Variants in SHF observed in about 807,000 individuals in gnomAD.
SHF encodes the protein Src homology 2 domain containing F.
Under a neutral mutation model 42.4 loss-of-function variants are expected in SHF, and 30 were observed. The observed-to-expected ratio is 0.71, with a 90% CI of 0.53 to 0.96. The LOEUF (loss-of-function observed/expected upper bound fraction) is 0.96, where lower values mean the gene tolerates loss of function less well. SHF is among the 40% of genes least tolerant of loss of function. The probability of loss-of-function intolerance (pLI) is 0.00; values close to 1 mark genes in which losing one functional copy is unlikely to be tolerated. For missense variants in SHF, 598 were observed against 634.0 expected, an observed-to-expected ratio of 0.94 and a Z score of 0.61; for synonymous variants, 264 against 269.9, an observed-to-expected ratio of 0.98 and a Z score of 0.21.
At chr15:45,196,694 G>A (rs893907939) in intron 2 of SHF, among the ~76,000 whole-genome samples, 26 of 152,040 alleles carry the variant, frequency 1.7e-4, no homozygotes, top group Admixed American at 5.9e-4. Flanking sequence ...TCAGGAGATC[G>A]AGACCATCCT....
intron 1 of SHF, among the ~76,000 whole-genome samples, chr15:45,183,223 C>T (rs1448650821): frequency 2.0e-5 from 3 of 152,182 alleles, no homozygotes; most frequent in Admixed American, 2.0e-4. Context: ...GCTGAGAAAC[C>T]GTGCAAGTGT....
At chr15:45,176,147 G>C (rs1354020604) in intron 2 of SHF, among the ~76,000 whole-genome samples, 4 of 152,160 alleles carry the variant, frequency 2.6e-5, no homozygotes, top group Admixed American at 2.6e-4. Context: ...GACAATCACA[G>C]AATTATTCTT....
chr15:45,169,272 C>T (rs759930977), intron 6 of SHF, among the ~76,000 whole-genome samples: 32 of 152,254 alleles, frequency 2.1e-4, no homozygotes, highest in East Asian at 1.9e-4. Context: ...GGCCCACAAG[C>T]GAGAAATCAG....
At chr15:45,179,197 T>C (rs1440329534) in intron 1 of SHF, among the ~76,000 whole-genome samples, 1 of 152,252 alleles carries the variant, frequency 6.6e-6, no homozygotes, top group Non-Finnish European at 1.5e-5. Context: ...CATGTGGGTA[T>C]TACTGTCCCC....
At chr15:45,183,536 G>T (rs565002534) in intron 1 of SHF, among the ~76,000 whole-genome samples, 76 of 152,332 alleles carry the variant, frequency 5.0e-4, no homozygotes, top group African/African-American at 1.8e-3. Context: ...CCGTATGCAG[G>T]GTTTGGGCCC....
At chr15:45,193,430 C>T (rs1047491481) in intron 2 of SHF, among the ~76,000 whole-genome samples, 1 of 152,150 alleles carries the variant, frequency 6.6e-6, no homozygotes, top group Admixed American at 6.5e-5. Context: ...TCTTTTAAGT[C>T]TCTCATTGGC....
At chr15:45,182,737 C>T (rs1898193880) in intron 1 of SHF, among the ~76,000 whole-genome samples, 1 of 152,138 alleles carries the variant, frequency 6.6e-6, no homozygotes, top group Non-Finnish European at 1.5e-5. Context: ...AATATTTAAC[C>T]ATGGAAGCCC....
chr15:45,185,824 G>T (rs540320029), intron 1 of SHF, among the ~76,000 whole-genome samples: 5 of 152,204 alleles, frequency 3.3e-5, no homozygotes. Context: ...CGACCCTCAC[G>T]CCACCCTGAT....
rs1897307551 is a variant in SHF at position 45,168,128 on chromosome 15, C to A, written c.1286G>T (p.Ser429Ile). 3 of 1,588,486 alleles carry A rather than the reference C, an allele frequency of 1.9e-6. No homozygotes were observed. Among genetic ancestry groups the A allele is most frequent in the African/African-American group, 1.3e-5 (1 of 74,574 alleles). Residue 429 changes from serine (S) to isoleucine (I), a missense_variant, in exon 7 of 7, where the codon AGC (serine) becomes ATC (isoleucine). This residue lies in a region of SHF where 439 missense variants were observed against 524.6 expected (regional missense o/e 0.84). Transcript: ENST00000690270. ...CAGCTTCATGTGCATGAATCCCTGG[C>A]TGCTCCTGGGAAGAGGAGAGGAGAC... ...KNDFSLSLKSSQGFMHMKLSR... is the reference protein window; with the variant it reads ...KNDFSLSLKSIQGFMHMKLSR...
chr15:45,185,573 T>A (rs949304203), intron 1 of SHF, among the ~76,000 whole-genome samples: 1 of 152,210 alleles, frequency 6.6e-6, no homozygotes, highest in African/African-American at 2.4e-5. Context: ...AACCACAGAT[T>A]GTATGGCTCC....
At chr15:45,189,751 G>C (rs1329651080), upstream of SHF, among the ~76,000 whole-genome samples, 1 of 152,034 alleles carries the variant, frequency 6.6e-6, no homozygotes, top group South Asian at 2.1e-4. Context: ...TTCAAAGCGG[G>C]GGGTGTAAAG....
chr15:45,171,842 C>A, intron 6 of SHF, 41 bp downstream of exon 6: 1 of 1,598,728 alleles, frequency 6.3e-7, no homozygotes, highest in Non-Finnish European at 8.5e-7. Flanking sequence ...TCCCCTTCCA[C>A]CCTGCTTGCT....
At chr15:45,200,869 C>T (rs113174227) in exon 1 of SHF, 30 of 456,212 alleles carry the variant, frequency 6.6e-5, no homozygotes, top group African/African-American at 6.0e-4. Context: ...TTTGGGCCAC[C>T]ATTCGGGCGT....
Position 45,167,442 on chromosome 15 carries a change from A to G in SHF, c.*505T>C, listed in dbSNP as rs1264248012. ...CCTCCCCTTCTCTCCCCACCCCCCA[A>G]AGCCGGCTGCTTCCCAGGGGCCTGT... On this transcript the variant is annotated 3_prime_UTR_variant, in exon 7 of 7. Transcript: ENST00000690270. 6.6e-6 allele frequency: 1 copy of G among 152,514 alleles called. No individual in the cohort carries two copies. Among genetic ancestry groups the G allele is most frequent in the African/African-American group, 2.4e-5 (1 of 41,448 alleles). The allele number at this position is 152,514 out of a possible 1,614,324, so 9.4% of individuals were successfully genotyped here.
At chr15:45,169,649 G>A (rs1897371631) in intron 6 of SHF, among the ~76,000 whole-genome samples, 1 of 152,200 alleles carries the variant, frequency 6.6e-6, no homozygotes, top group Non-Finnish European at 1.5e-5. Context: ...AGTCCACCTG[G>A]GGAATTGTCT....
Position 45,174,251 on chromosome 15 carries a change from C to T in SHF, c.848-535G>A, listed in dbSNP as rs8035529. 191 of 170,812 alleles carry T rather than the reference C, an allele frequency of 1.1e-3. 1 individual carries two copies. Among genetic ancestry groups the T allele is most frequent in the African/African-American group, 4.5e-3 (186 of 41,670 alleles). 10.6% of individuals were successfully genotyped at this position (170,812 alleles called of 1,614,324 possible). A position where few individuals can be genotyped will look rare whatever the true frequency, so the allele number is the denominator to read the frequency against. ...TTATTGAAATTTAATCCCCACCCCCCATCCTGAGAAGAGTGATGCCACTGG... is the reference window on the plus strand; with the variant it reads ...TTATTGAAATTTAATCCCCACCCCCTATCCTGAGAAGAGTGATGCCACTGG... On this transcript the variant is annotated intron_variant, in intron 3 of 6. Transcript: ENST00000690270.
At chr15:45,168,842 G>A (rs1404075089) in intron 6 of SHF, among the ~76,000 whole-genome samples, 1 of 152,168 alleles carries the variant, frequency 6.6e-6, no homozygotes, top group African/African-American at 2.4e-5. Context: ...CCCTGCCACA[G>A]CCAGGAAATC....
chr15:45,194,487 G>A (rs964822908), intron 2 of SHF, among the ~76,000 whole-genome samples: 3 of 152,020 alleles, frequency 2.0e-5, no homozygotes, highest in African/African-American at 4.8e-5. Flanking sequence ...TAGTAGCTGA[G>A]GTTACAGGTC....
upstream of SHF, among the ~76,000 whole-genome samples, chr15:45,191,434 C>T (rs1379609383): frequency 2.6e-5 from 4 of 152,142 alleles, no homozygotes; most frequent in Admixed American, 6.5e-5. Flanking sequence ...GTGATCCTCC[C>T]GCTTGGGCCT....
Sources: allele counts gnomAD v4.1 joint callset (sites outside exome capture counted in the v4.1 genomes callset), GRCh38; gene constraint gnomAD v4.1.1; regional missense constraint gnomAD v4.1.1; transcripts MANE v1.5; gene names NCBI Gene and HGNC (gene_info 2026-07-23, HGNC 2026-07-21).